Variants in PALS2 observed in about 807,000 individuals in gnomAD.
PALS2 encodes the protein protein PALS2.
PALS2 carries 27 observed loss-of-function variants against 61.6 expected under a neutral mutation model. The ratio of observed to expected loss-of-function variants is 0.44; its 90% confidence interval spans 0.32 to 0.60. PALS2 has a LOEUF of 0.60. Among genes scored for constraint, PALS2 ranks in the 20% least tolerant of loss-of-function variants. The probability of loss-of-function intolerance (pLI) is 0.05; values close to 1 mark genes in which losing one functional copy is unlikely to be tolerated. For missense variants in PALS2, 554 were observed against 639.4 expected (o/e 0.87, Z 1.44); for synonymous variants, 236 against 218.6 (o/e 1.08, Z -0.70).
Position 24,666,058 on chromosome 7 carries a change from A to C in PALS2, c.921A>C (p.Lys307Asn). The change falls in exon 8 of 12, where the codon AAA (lysine) becomes AAC (asparagine). Residue 307 changes from lysine to asparagine, a missense_variant. By Grantham distance (94) the Lys-to-Asn change is moderately conservative. Coordinates refer to ENST00000222644, the MANE Select transcript of PALS2 (RefSeq NM_001303037.2). ...FCGTISSKKK[K>N]KMMYLTTRNA... ...GAACTATAAGTAGCAAAAAAAAGAAAAAGATGATGTATCTCACAACCAGAA... is the reference window on the plus strand; with the variant it reads ...GAACTATAAGTAGCAAAAAAAAGAACAAGATGATGTATCTCACAACCAGAA... 3.1e-6 allele frequency: 5 copies of C among 1,611,982 alleles called. No individual in the cohort carries two copies. The highest frequency in any genetic ancestry group is 4.2e-6 in the Non-Finnish European group (5 of 1,178,706).
rs1051547574 is a variant in PALS2, at chr7:24,618,678, C to G, written c.-2-4988C>G. Among the ~76,000 whole-genome samples, 1 of 152,194 alleles carries G rather than the reference C, an allele frequency of 6.6e-6. No individual in the cohort carries two copies. Among genetic ancestry groups the G allele is most frequent in the Non-Finnish European group, 1.5e-5 (1 of 68,026 alleles). On this transcript the variant is annotated intron_variant, in intron 1 of 11. Transcript: ENST00000222644. This position sits in a 1 kb window ranked among gnomAD's most constrained non-coding sequence, Gnocchi z 5.1. ...GAGGTTCCTCTGATTACCTTCCTCC[C>G]CTACCAAGCCTCCGCTCCCACAAGG...
rs761824806 is a variant in PALS2, at chr7:24,597,986, G to A, written c.-3+24393G>A. Among the ~76,000 whole-genome samples the A allele has an allele frequency of 3.1e-4, 47 of 152,086 alleles. 2 individuals carry two copies. Among genetic ancestry groups the A allele is most frequent in the Non-Finnish European group, 1.5e-4 (10 of 68,006 alleles). ...ATTGCAATACTTGGGGATAAGAATA[G>A]GAAGGAAGGCCCTGGAATGGAGAAA... is the stretch of plus-strand genomic sequence containing the variant. On this transcript the variant is annotated intron_variant, in intron 1 of 11. Coordinates refer to ENST00000222644, the MANE Select transcript of PALS2 (RefSeq NM_001303037.2).
intron 3 of PALS2, among the ~76,000 whole-genome samples, chr7:24,647,781 AT>A (rs1785918973): frequency 6.6e-6 from 1 of 152,146 alleles, no homozygotes; most frequent in Admixed American, 6.5e-5. Flanking sequence ...TTTAAATAGC[AT>A]TGTGGATCTA....
chr7:24,601,781 C>T (rs1583857349), intron 1 of PALS2, among the ~76,000 whole-genome samples: 1 of 152,092 alleles, frequency 6.6e-6, no homozygotes, highest in African/African-American at 2.4e-5. Context: ...TTTTTAAAGG[C>T]ATCATTGCAT....
At chr7:24,678,244 A>C (rs1268916535) in intron 9 of PALS2, among the ~76,000 whole-genome samples, 1 of 152,206 alleles carries the variant, frequency 6.6e-6, no homozygotes. Flanking sequence ...CCAACTTGCA[A>C]AGGGTTGTAT....
rs1562673580 is a variant in PALS2, at chr7:24,690,557, A to G, written c.*2943A>G. ...CTGTACACAACCTAAGACTATATAT[A>G]TATTTTTTCATTTTCAAATGTACAA... On this transcript the variant is annotated 3_prime_UTR_variant, in exon 12 of 12. Transcript: ENST00000222644. 1.3e-5 allele frequency: 2 copies of G among 152,096 alleles called. No homozygotes were observed. The highest frequency in any genetic ancestry group is 2.9e-5 in the Non-Finnish European group (2 of 68,016). The allele number at this position is 152,096 out of a possible 1,614,324, so 9.4% of individuals were successfully genotyped here.
At chr7:24,631,679 T>C (rs1056873333) in intron 2 of PALS2, among the ~76,000 whole-genome samples, 1 of 152,172 alleles carries the variant, frequency 6.6e-6, no homozygotes, top group African/African-American at 2.4e-5. Flanking sequence ...AACCTTATTA[T>C]TGTCTTATTT....
At chr7:24,604,516 A>G (rs1783829102) in intron 1 of PALS2, among the ~76,000 whole-genome samples, 1 of 152,220 alleles carries the variant, frequency 6.6e-6, no homozygotes, top group Admixed American at 6.5e-5. Flanking sequence ...ATTCCAACAC[A>G]CATGTAATGG....
rs1396211736 is a variant in PALS2, at chr7:24,596,264, G to T, written c.-3+22671G>T. Among the ~76,000 whole-genome samples the T allele has an allele frequency of 6.6e-6, 1 of 152,146 alleles. No homozygotes were observed. Among genetic ancestry groups the T allele is most frequent in the Admixed American group, 6.6e-5 (1 of 15,254 alleles). ...AAGAATTGATGGTGGCTTAGCGTAG[G>T]GGGATAGCAGTGAATGGGCAAGGGA... is the stretch of plus-strand genomic sequence containing the variant. On this transcript the variant is annotated intron_variant, in intron 1 of 11. Coordinates refer to ENST00000222644, the MANE Select transcript of PALS2 (RefSeq NM_001303037.2). This position sits in a 1 kb window ranked among gnomAD's most constrained non-coding sequence, Gnocchi z 4.5.
chr7:24,663,145 T>G (rs947106020), intron 5 of PALS2, among the ~76,000 whole-genome samples: 1 of 152,182 alleles, frequency 6.6e-6, no homozygotes, highest in Non-Finnish European at 1.5e-5. Flanking sequence ...AACATCAACT[T>G]TTATTGTTTA....
chr7:24,655,630 A>ATTTTTTTTT (rs770410952), intron 5 of PALS2, among the ~76,000 whole-genome samples: 3 of 96,926 alleles, frequency 3.1e-5, no homozygotes, highest in East Asian at 3.4e-4. Context: ...TAGTTAGTAG[A>ATTTTTTTTT]TTTTTTTTTT....
chr7:24,623,964 C>A, intron 2 of PALS2, 180 bp downstream of exon 2: 1 of 1,050,330 alleles, frequency 9.5e-7, no homozygotes, highest in Non-Finnish European at 1.4e-6. Flanking sequence ...TTTCTCTTTT[C>A]TACTCTGACT....
intron 1 of PALS2, among the ~76,000 whole-genome samples, chr7:24,579,177 G>C (rs1782745326): frequency 6.6e-6 from 1 of 152,136 alleles, no homozygotes; most frequent in South Asian, 2.1e-4. Context: ...ATCTGTAAAG[G>C]TATTCAACCT....
At position 24,604,508 on chromosome 7, in the gene PALS2, T is replaced by C. The variant is rs570212275; in HGVS notation, c.-2-19158T>C. Among the ~76,000 whole-genome samples the C allele has an allele frequency of 9.9e-5, 15 of 152,164 alleles. No individual in the cohort carries two copies. In the East Asian group the frequency reaches 2.7e-3, roughly 27 times the overall value. ...AGACATGTGGGACAATGTCAAACAT[T>C]CCAACACACATGTAATGGGAGTTTC... On this transcript the variant is annotated intron_variant, in intron 1 of 11. Coordinates refer to ENST00000222644, the MANE Select transcript of PALS2 (RefSeq NM_001303037.2).
chr7:24,669,681 G>A (rs1295021238), intron 9 of PALS2, among the ~76,000 whole-genome samples: 1 of 151,906 alleles, frequency 6.6e-6, no homozygotes, highest in Non-Finnish European at 1.5e-5. Flanking sequence ...GTATATTTTG[G>A]GTTTAATTCT....
At chr7:24,676,483 T>G (rs1422966842) in intron 9 of PALS2, among the ~76,000 whole-genome samples, 3 of 152,122 alleles carry the variant, frequency 2.0e-5, no homozygotes, top group Non-Finnish European at 2.9e-5. Flanking sequence ...CGCCTAGGTT[T>G]TCTTCTAGGG....
At chr7:24,624,609 T>C (rs1184737085) in intron 2 of PALS2, among the ~76,000 whole-genome samples, 10 of 141,712 alleles carry the variant, frequency 7.1e-5, no homozygotes, top group Middle Eastern at 3.4e-3. Flanking sequence ...ATTCTTCTTT[T>C]TTTTTTTTTT....
At chr7:24,655,852 AT>A (rs1430563237) in intron 5 of PALS2, among the ~76,000 whole-genome samples, 1 of 151,860 alleles carries the variant, frequency 6.6e-6, no homozygotes, top group Non-Finnish European at 1.5e-5. Context: ...TTAAAATAAA[AT>A]TTTTTATTTG....
chr7:24,687,366 A>T lies in PALS2; in HGVS notation c.1447-72A>T. On this transcript the variant is annotated intron_variant, in intron 11 of 11. Coordinates refer to ENST00000222644, the MANE Select transcript of PALS2 (RefSeq NM_001303037.2). The surrounding 1 kb of genome is among the most constrained non-coding windows in gnomAD (Gnocchi z 4.5). ...TATATCTAACCTATTTATTATATTC[A>T]CTTCTAGTTGGAGTTTGAGCAAGTA... The T allele has an allele frequency of 8.9e-7, 1 of 1,129,112 alleles. No individual in the cohort carries two copies. The highest frequency in any genetic ancestry group is 1.3e-6 in the Non-Finnish European group (1 of 772,188). 69.9% of individuals were successfully genotyped at this position (1,129,112 alleles called of 1,614,324 possible).
Sources: allele counts gnomAD v4.1 joint callset (sites outside exome capture counted in the v4.1 genomes callset), GRCh38; gene constraint gnomAD v4.1.1; non-coding constraint Gnocchi (gnomAD v3.1); transcripts MANE v1.5; gene names NCBI Gene and HGNC (gene_info 2026-07-23, HGNC 2026-07-21).